Variants in RGS3 observed in about 807,000 individuals in gnomAD.
RGS3 encodes the protein regulator of G-protein signalling 3.
Under a neutral mutation model 132.6 loss-of-function variants are expected in RGS3, and 80 were observed. That is an observed-to-expected ratio of 0.60 (90% CI 0.50 to 0.73). The LOEUF (loss-of-function observed/expected upper bound fraction) is 0.73, where lower values mean the gene tolerates loss of function less well. RGS3 is among the 30% of genes least tolerant of loss of function. The probability of loss-of-function intolerance (pLI) is 0.00; values close to 1 mark genes in which losing one functional copy is unlikely to be tolerated. For synonymous variants in RGS3, 598 were observed against 620.6 expected (o/e 0.96, Z 0.54); for missense variants, 1,382 against 1,530.8 (o/e 0.90, Z 1.62).
intron 3 of RGS3, among the ~76,000 whole-genome samples, chr9:113,471,258 G>A (rs1050014223): frequency 1.3e-5 from 2 of 151,970 alleles, no homozygotes; most frequent in African/African-American, 4.8e-5. Flanking sequence ...GCTTCTTGGT[G>A]GGCCCTGGTC....
At chr9:113,572,230 T>C (rs1834323016) in intron 19 of RGS3, among the ~76,000 whole-genome samples, 1 of 151,934 alleles carries the variant, frequency 6.6e-6, no homozygotes, top group African/African-American at 2.4e-5. Context: ...ATGAAGGCAT[T>C]TTGAGCAGGA....
chr9:113,526,415 A>G (rs917076871), intron 17 of RGS3, among the ~76,000 whole-genome samples: 1 of 152,190 alleles, frequency 6.6e-6, no homozygotes, highest in Non-Finnish European at 1.5e-5. Flanking sequence ...TGGAATGCAG[A>G]CGAGTAACCG....
chr9:113,549,929 C>T (rs904677725), intron 19 of RGS3, among the ~76,000 whole-genome samples: 2 of 152,154 alleles, frequency 1.3e-5, no homozygotes, highest in African/African-American at 4.8e-5. Flanking sequence ...TGGCTTGAGC[C>T]TGAGTTTGAG....
intron 19 of RGS3, chr9:113,541,548 T>A: frequency 6.7e-7 from 1 of 1,488,886 alleles, no homozygotes; most frequent in Admixed American, 2.2e-5. Flanking sequence ...GGGTCTAGGG[T>A]CATCTGAAGG....
chr9:113,453,446 CATT>C (rs1168382479), intron 1 of RGS3, among the ~76,000 whole-genome samples: 2 of 16 alleles, frequency 0.12, no homozygotes, highest in African/African-American at 0.5. Flanking sequence ...ATAATATACT[CATT>C]ATATGATTAT....
chr9:113,504,007 T>C (rs570606179), intron 10 of RGS3, among the ~76,000 whole-genome samples: 1 of 152,312 alleles, frequency 6.6e-6, no homozygotes, highest in Admixed American at 6.5e-5. Context: ...TCCCCTTGTC[T>C]GTCAGGTTTC....
At chr9:113,569,300 G>C (rs1485038974) in intron 19 of RGS3, among the ~76,000 whole-genome samples, 5 of 152,180 alleles carry the variant, frequency 3.3e-5, no homozygotes, top group Non-Finnish European at 5.9e-5. Flanking sequence ...GAGGGTAAGG[G>C]AACAAGGAGA....
At chr9:113,533,936 T>A in intron 18 of RGS3, among the ~76,000 whole-genome samples, 1 of 152,200 alleles carries the variant, frequency 6.6e-6, no homozygotes, top group South Asian at 2.1e-4. Flanking sequence ...AAGTAGAAGC[T>A]CCAGGAGTGC....
chr9:113,518,467 T>A (rs1192174563), intron 16 of RGS3, among the ~76,000 whole-genome samples: 1 of 152,210 alleles, frequency 6.6e-6, no homozygotes. Flanking sequence ...GCAGTAGGTA[T>A]GTGTGTATTT....
chr9:113,456,220 G>A (rs1829359287), upstream of RGS3, among the ~76,000 whole-genome samples: 1 of 152,098 alleles, frequency 6.6e-6, no homozygotes, highest in Non-Finnish European at 1.5e-5. Context: ...CCTGTGGGCT[G>A]TCTTATGCAT....
intron 1 of RGS3, among the ~76,000 whole-genome samples, chr9:113,445,551 A>T (rs985546464): frequency 1.3e-5 from 2 of 152,132 alleles, no homozygotes; most frequent in Non-Finnish European, 2.9e-5. Context: ...GCCCAGTTTG[A>T]CACCTGTGTA....
At chr9:113,447,228 C>G (rs1261520475) in intron 1 of RGS3, among the ~76,000 whole-genome samples, 1 of 142,166 alleles carries the variant, frequency 7.0e-6, no homozygotes, top group Non-Finnish European at 1.5e-5. Flanking sequence ...CACCACTGCA[C>G]TCCAGCCTGG....
intron 3 of RGS3, among the ~76,000 whole-genome samples, chr9:113,477,427 T>C (rs1830028357): frequency 6.6e-6 from 1 of 151,932 alleles, no homozygotes; most frequent in Admixed American, 6.6e-5. Context: ...CCACCAGAAG[T>C]ATGAGGGTCA....
chr9:113,483,195 A>G, intron 5 of RGS3, 78 bp downstream of exon 3: 1 of 996,096 alleles, frequency 1.0e-6, no homozygotes, highest in Non-Finnish European at 1.5e-6. Flanking sequence ...GTCCCAGCAC[A>G]CCTGTGGGGC....
Position 113,579,440 on chromosome 9 carries a change from C to T in RGS3, c.2038-4010C>T, listed in dbSNP as rs1388138409. Among the ~76,000 whole-genome samples, 5 of 152,314 alleles carry T rather than the reference C, an allele frequency of 3.3e-5. No homozygotes were observed. Among genetic ancestry groups the T allele is most frequent in the South Asian group, 4.1e-4 (2 of 4,830 alleles). The stretch of plus-strand genomic sequence containing the variant: ...GCCTGGTTCATTTCCTGTGTGCTTA[C>T]AGCAGATGAGACATGGGCAGAATTA... On this transcript the variant is annotated intron_variant, in intron 19 of 24. Coordinates refer to ENST00000350696, the Ensembl canonical transcript of RGS3. This position sits in a 1 kb window ranked among gnomAD's most constrained non-coding sequence, Gnocchi z 4.3.
chr9:113,502,941 G>A (rs1830965153), intron 10 of RGS3, among the ~76,000 whole-genome samples: 1 of 152,250 alleles, frequency 6.6e-6, no homozygotes, highest in Non-Finnish European at 1.5e-5. Context: ...TGCCATGGGA[G>A]TGAATAGGAT....
rs1835561218 is a variant in RGS3 at position 113,593,658 on chromosome 9, TG to T, written c.3081-769del. On this transcript the variant is annotated intron_variant, in intron 21 of 24. Coordinates refer to ENST00000350696, the Ensembl canonical transcript of RGS3. ...AGGCCGGCTGGCAGGAGCCATTCTC[TG>T]GGAGGTGCCCTGTACAGGGGGTCTA... 3 of 470,168 alleles carry T rather than the reference TG, an allele frequency of 6.4e-6. No individual in the cohort carries two copies. The Admixed American group carries it at 1.2e-4, about 18-fold the overall frequency. The allele number at this position is 470,168 out of a possible 1,614,324, so 29.1% of individuals were successfully genotyped here. A position where few individuals can be genotyped will look rare whatever the true frequency, so the allele number is the denominator to read the frequency against.
chr9:113,583,389 G>A, intron 19 of RGS3, 61 bp from the exon 18 acceptor site: 1 of 1,575,316 alleles, frequency 6.3e-7, no homozygotes, highest in Non-Finnish European at 8.6e-7. Flanking sequence ...GCTCATGCAT[G>A]GTGTCTGGCA....
intron 19 of RGS3, among the ~76,000 whole-genome samples, chr9:113,569,168 T>C (rs1834147465): frequency 6.6e-6 from 1 of 152,080 alleles, no homozygotes. Flanking sequence ...GGGGGGTGTG[T>C]ATTTGGAACT....
Sources: gnomAD v4.1 joint callset for allele counts (sites outside exome capture counted in the v4.1 genomes callset) on GRCh38, gnomAD v4.1.1 for gene constraint, Gnocchi (gnomAD v3.1) non-coding constraint, MANE v1.5 for transcripts, NCBI Gene and HGNC (gene_info 2026-07-23, HGNC 2026-07-21) for gene names.